Variants in TET3 observed in about 807,000 individuals in gnomAD.
TET3 encodes the protein methylcytosine dioxygenase TET3.
TET3 carries 19 observed loss-of-function variants against 141.4 expected under a neutral mutation model. The ratio of observed to expected loss-of-function variants is 0.13; its 90% confidence interval spans 0.09 to 0.20. The LOEUF is 0.20. Ranked by LOEUF, TET3 falls within the 10% of genes least tolerant of loss-of-function variation. The pLI is 1.00. For missense variants in TET3, 1,874 were observed against 2,356.9 expected (o/e 0.80, Z 4.24); for synonymous variants, 1,043 against 980.9 (o/e 1.06, Z -1.18).
At chr2:74,114,890 G>GGT in the TET3 span, among the ~76,000 whole-genome samples, 7 of 120,804 alleles carry the variant, frequency 5.8e-5, no homozygotes, top group African/African-American at 2.4e-4. Flanking sequence ...TGGGAAAACT[G>GGT]GTTATCTATA....
intron 3 of TET3, among the ~76,000 whole-genome samples, chr2:74,014,050 TTTC>T (rs1407325238): frequency 6.6e-6 from 1 of 152,188 alleles, no homozygotes; most frequent in Non-Finnish European, 1.5e-5. Flanking sequence ...ATTTTTTCTT[TTTC>T]TTCCATAGCT....
chr2:74,021,066 G>A (rs192674702), intron 3 of TET3, among the ~76,000 whole-genome samples: 146 of 152,280 alleles, frequency 9.6e-4, no homozygotes, highest in African/African-American at 2.9e-3. Flanking sequence ...AAGAAATACT[G>A]GATTGGGGAA....
chr2:73,999,433 C>G (rs1057284692), intron 2 of TET3, among the ~76,000 whole-genome samples: 3 of 152,100 alleles, frequency 2.0e-5, no homozygotes, highest in Admixed American at 6.5e-5. Context: ...GGGGTTGGTG[C>G]TTGCTTGATT....
Position 74,097,195 on chromosome 2 carries a change from GCACACACACACACACACACA to G in TET3, c.3268-2064_3268-2045del, listed in dbSNP as rs146612512. ...TTTGTAGTTTTATATAGCCATACAT[GCACACACACACACACACACA>G]CACACACACACACACATACATTCAA... is the stretch of plus-strand genomic sequence containing the variant. On this transcript the variant is annotated intron_variant, in intron 10 of 11. Coordinates refer to ENST00000409262, the MANE Select transcript of TET3 (RefSeq NM_001287491.2). Among the ~76,000 whole-genome samples, 920 of 138,028 alleles carry G rather than the reference GCACACACACACACACACACA, an allele frequency of 6.7e-3. 7 individuals carry two copies. The highest frequency in any genetic ancestry group is 0.023 in the African/African-American group (862 of 38,226). The allele number at this position is 138,028 out of a possible 152,430, so 90.6% of individuals were successfully genotyped here.
intron 3 of TET3, among the ~76,000 whole-genome samples, chr2:74,008,765 G>A (rs1685273221): frequency 6.6e-6 from 1 of 152,004 alleles, no homozygotes; most frequent in African/African-American, 2.4e-5. Flanking sequence ...AGGAAGGGAG[G>A]GGTGGGGGGA....
At chr2:74,024,500 G>A (rs1461901628) in intron 3 of TET3, among the ~76,000 whole-genome samples, 1 of 152,024 alleles carries the variant, frequency 6.6e-6, no homozygotes, top group Non-Finnish European at 1.5e-5. Context: ...CTTCTTCCTT[G>A]CCCTCTGCTC....
At chr2:74,002,628 C>T in intron 2 of TET3, 2 of 360,390 alleles carry the variant, frequency 5.5e-6, no homozygotes, top group Non-Finnish European at 9.9e-6. Flanking sequence ...CAGGGCCGGC[C>T]GCGGGGATTG....
At chr2:74,080,195 C>T (rs964431298) in intron 5 of TET3, among the ~76,000 whole-genome samples, 1 of 152,230 alleles carries the variant, frequency 6.6e-6, no homozygotes, top group African/African-American at 2.4e-5. Context: ...TTTCAGTTCC[C>T]TTCTGGAGTT....
At chr2:73,985,247 G>T (rs1683946471) in intron 1 of TET3, 90 bp downstream of exon 1, 1 of 141,718 alleles carries the variant, frequency 7.1e-6, no homozygotes. Flanking sequence ...GGGAGGGGAC[G>T]GCCCGGATCC....
intron 3 of TET3, among the ~76,000 whole-genome samples, chr2:74,007,210 G>A (rs1416964893): frequency 6.6e-6 from 1 of 152,222 alleles, no homozygotes; most frequent in Non-Finnish European, 1.5e-5. Context: ...TGACTTCAGC[G>A]TTGTGTTTGG....
chr2:74,038,259 A>C (rs1031960855), intron 3 of TET3, among the ~76,000 whole-genome samples: 1 of 152,132 alleles, frequency 6.6e-6, no homozygotes, highest in Admixed American at 6.5e-5. Flanking sequence ...GTGAAGAGTT[A>C]TGTCTCTTCT....
At chr2:74,110,636 C>A (rs952978447), downstream of TET3, among the ~76,000 whole-genome samples, 1 of 152,154 alleles carries the variant, frequency 6.6e-6, no homozygotes, top group South Asian at 2.1e-4. Context: ...CCCAGCACCT[C>A]ATCCCCACTC....
At chr2:74,074,937 T>C (rs1479279188) in intron 5 of TET3, among the ~76,000 whole-genome samples, 4 of 152,070 alleles carry the variant, frequency 2.6e-5, no homozygotes, top group Non-Finnish European at 5.9e-5. Flanking sequence ...AGTGGCACAA[T>C]CTCAGCTCAC....
At chr2:73,993,250 T>G (rs530279442) in intron 2 of TET3, 1 of 152,354 alleles carries the variant, frequency 6.6e-6, no homozygotes, top group Non-Finnish European at 1.5e-5. Flanking sequence ...ACCTGGACTA[T>G]TCTATGGCAA....
intron 4 of TET3, among the ~76,000 whole-genome samples, chr2:74,054,685 G>A (rs945358459): frequency 1.2e-4 from 18 of 152,300 alleles, no homozygotes; most frequent in East Asian, 7.7e-4. Context: ...TGAAGAAAGT[G>A]TGGAAAAGAT....
At chr2:74,019,767 G>C (rs986227950) in intron 3 of TET3, among the ~76,000 whole-genome samples, 1 of 152,152 alleles carries the variant, frequency 6.6e-6, no homozygotes, top group Non-Finnish European at 1.5e-5. Flanking sequence ...CACCCTCCTT[G>C]TCCCCGCAGG....
At chr2:74,020,090 C>CT (rs1183237605) in intron 3 of TET3, among the ~76,000 whole-genome samples, 1 of 152,158 alleles carries the variant, frequency 6.6e-6, no homozygotes, top group Admixed American at 6.5e-5. Context: ...CTTTTTTCTT[C>CT]TACTATTCTC....
chr2:74,131,785 CTACATCCGATGCAATGCTA>C, the TET3 span, among the ~76,000 whole-genome samples: 1 of 152,148 alleles, frequency 6.6e-6, no homozygotes, highest in Non-Finnish European at 1.5e-5. Flanking sequence ...TAGGAGGTGG[CTACATCCGATGCAATGCTA>C]TACTCTAGCC....
At chr2:74,056,507 C>CTA (rs948352297) in intron 4 of TET3, among the ~76,000 whole-genome samples, 1 of 152,054 alleles carries the variant, frequency 6.6e-6, no homozygotes, top group African/African-American at 2.4e-5. Context: ...GAGCTCTCCC[C>CTA]TAGAGCTTTC....
Sources: gnomAD v4.1 joint callset for allele counts (sites outside exome capture counted in the v4.1 genomes callset) on GRCh38, gnomAD v4.1.1 for gene constraint, MANE v1.5 for transcripts, NCBI Gene and HGNC (gene_info 2026-07-23, HGNC 2026-07-21) for gene names.